The following GRIK3 variants were observed in gnomAD, a reference collection of about 807,000 sequenced individuals.
GRIK3 encodes glutamate receptor ionotropic, kainate 3.
A neutral mutation model predicts 102.5 loss-of-function variants in GRIK3; 29 were observed. The ratio of observed to expected loss-of-function variants is 0.28; its 90% CI spans 0.21 to 0.39. The LOEUF is 0.39. Among genes scored for constraint, GRIK3 ranks in the 10% least tolerant of loss-of-function variants. The pLI is 1.00. For missense variants in GRIK3, 908 were observed against 1,252.4 expected (o/e 0.73, Z 4.15); for synonymous variants, 511 against 504.9 (o/e 1.01, Z -0.16).
Position 36,805,251 on chromosome 1 carries a change from A to G in GRIK3, c.2315-14T>C. On this transcript the variant is annotated splice_polypyrimidine_tract_variant and intron_variant, in intron 14 of 15. Coordinates refer to ENST00000373091, the MANE Select transcript of GRIK3 (RefSeq NM_000831.4). Reference sequence around the variant, plus strand: ...GGTATGGGGAGCCTGAGCAGGGAGAAGGGACCCCTAGCCATCAGTGGCGTG... The same window carrying G: ...GGTATGGGGAGCCTGAGCAGGGAGAGGGGACCCCTAGCCATCAGTGGCGTG... 6.3e-7 allele frequency: 1 copy of G among 1,594,794 alleles called. No individual in the cohort carries two copies.
intron 3 of GRIK3, among the ~76,000 whole-genome samples, chr1:36,874,948 T>C (rs545392119): frequency 6.6e-6 from 1 of 152,364 alleles, no homozygotes; most frequent in South Asian, 2.1e-4. Context: ...TTTGTTTGCC[T>C]GAGATGAGCT....
Position 36,850,514 on chromosome 1 carries a change from C to A in GRIK3, c.1213-90G>T. 2.7e-6 allele frequency: 2 copies of A among 747,260 alleles called. No individual in the cohort carries two copies. The highest frequency in any genetic ancestry group is 2.4e-6 in the Non-Finnish European group (1 of 414,882). 46.3% of individuals were successfully genotyped at this position (747,260 alleles called of 1,614,324 possible). A position where few individuals can be genotyped will look rare whatever the true frequency, so the allele number is the denominator to read the frequency against. ...ACAAGACCTTCATCTCATTCCCATT[C>A]ATCATGAGCCTCATTGTCATGATCA... On this transcript the variant is annotated intron_variant, in intron 8 of 15. Coordinates refer to ENST00000373091, the MANE Select transcript of GRIK3 (RefSeq NM_000831.4). The surrounding 1 kb of genome is among the most constrained non-coding windows in gnomAD (Gnocchi z 4.0).
chr1:36,965,191 G>A (rs979608191), intron 1 of GRIK3, among the ~76,000 whole-genome samples: 1 of 152,154 alleles, frequency 6.6e-6, no homozygotes, highest in Non-Finnish European at 1.5e-5. Context: ...TGAACGAGTT[G>A]AATTATACGG....
chr1:37,026,619 G>T (rs1642766938), intron 1 of GRIK3, among the ~76,000 whole-genome samples: 1 of 152,174 alleles, frequency 6.6e-6, no homozygotes, highest in South Asian at 2.1e-4. Context: ...TACTGTAAGG[G>T]TCAACCACAA....
intron 1 of GRIK3, among the ~76,000 whole-genome samples, chr1:36,928,891 G>A (rs76358684): frequency 0.025 from 3,819 of 152,280 alleles, 161 homozygotes; most frequent in East Asian, 0.18. Context: ...GGGTACAGGT[G>A]TCAAGGAACA....
At chr1:36,820,409 T>C (rs1391899954) in intron 11 of GRIK3, among the ~76,000 whole-genome samples, 1 of 152,176 alleles carries the variant, frequency 6.6e-6, no homozygotes, top group Non-Finnish European at 1.5e-5. Context: ...AAGAACAATA[T>C]GACCACACTT....
At chr1:37,014,022 C>T (rs1642626336) in intron 1 of GRIK3, among the ~76,000 whole-genome samples, 1 of 152,224 alleles carries the variant, frequency 6.6e-6, no homozygotes, top group South Asian at 2.1e-4. Context: ...GCCTCATACG[C>T]TCTGTTCCCT....
chr1:36,815,005 GCA>G (rs1642609397), intron 13 of GRIK3, among the ~76,000 whole-genome samples: 1 of 152,204 alleles, frequency 6.6e-6, no homozygotes, highest in Non-Finnish European at 1.5e-5. Flanking sequence ...GCACATGTGT[GCA>G]CATACACACA....
intron 2 of GRIK3, among the ~76,000 whole-genome samples, chr1:36,888,993 T>A (rs1641073392): frequency 6.6e-6 from 1 of 152,036 alleles, no homozygotes; most frequent in African/African-American, 2.4e-5. Context: ...GTGCATCCGA[T>A]CAAACTACCA....
intron 1 of GRIK3, among the ~76,000 whole-genome samples, chr1:37,014,722 T>C (rs944634155): frequency 2.6e-5 from 4 of 152,220 alleles, no homozygotes; most frequent in Admixed American, 6.5e-5. Flanking sequence ...GTTATCCCAA[T>C]TGGGCTCCTA....
chr1:36,930,530 G>A (rs1441021328), intron 1 of GRIK3, among the ~76,000 whole-genome samples: 2 of 152,178 alleles, frequency 1.3e-5, no homozygotes, highest in Non-Finnish European at 2.9e-5. Context: ...GCATCACCAT[G>A]CCTTAGTTCT....
At chr1:36,849,687 T>C (rs1221596935) in intron 9 of GRIK3, 1 of 152,576 alleles carries the variant, frequency 6.6e-6, no homozygotes, top group East Asian at 1.9e-4. Flanking sequence ...GCAGCCTGGG[T>C]CTGTCCTCCT....
intron 3 of GRIK3, among the ~76,000 whole-genome samples, chr1:36,875,173 G>A (rs564593787): frequency 6.6e-6 from 1 of 152,234 alleles, no homozygotes; most frequent in Non-Finnish European, 1.5e-5. Flanking sequence ...CACCACAGAG[G>A]TTAAGTGATT....
chr1:36,882,130 T>G (rs902037516), intron 2 of GRIK3, among the ~76,000 whole-genome samples: 1 of 152,120 alleles, frequency 6.6e-6, no homozygotes, highest in African/African-American at 2.4e-5. Context: ...CTGGAAGTCT[T>G]GTCCATTGGT....
chr1:36,987,291 G>T (rs543771505), intron 1 of GRIK3, among the ~76,000 whole-genome samples: 63 of 152,202 alleles, frequency 4.1e-4, no homozygotes, highest in Non-Finnish European at 8.1e-4. Context: ...TCCCCTGGCA[G>T]CACTGAGGTT....
chr1:36,932,502 A>C (rs1641607091), intron 1 of GRIK3, among the ~76,000 whole-genome samples: 1 of 152,206 alleles, frequency 6.6e-6, no homozygotes, highest in African/African-American at 2.4e-5. Flanking sequence ...GAAGTTCTGC[A>C]TCCTTCCCCT....
rs1465283804 is a variant in GRIK3 at position 36,802,015 on chromosome 1, T to A, written c.2596A>T (p.Ile866Phe). 2 of 1,613,312 alleles carry A rather than the reference T, an allele frequency of 1.2e-6. No homozygotes were observed. Among genetic ancestry groups the A allele is most frequent in the South Asian group, 2.2e-5 (2 of 90,970 alleles). The change falls in exon 16 of 16, where the codon ATC (isoleucine) becomes TTC (phenylalanine). Residue 866 changes from isoleucine (I) to phenylalanine (F), a missense_variant. This residue lies in a region of GRIK3 where 297 missense variants were observed against 362.7 expected (regional missense o/e 0.82). Coordinates refer to ENST00000373091, the MANE Select transcript of GRIK3 (RefSeq NM_000831.4). Reference protein sequence around the residue: ...RSFCSTVADEIRFSLTCQRRV... With the variant: ...RSFCSTVADEFRFSLTCQRRV... Reference sequence around the variant, plus strand: ...CGCTGGCAGGTAAGGGAGAAACGGATCTCATCGGCCACGGTGCTGCAGAAG... The same window carrying A: ...CGCTGGCAGGTAAGGGAGAAACGGAACTCATCGGCCACGGTGCTGCAGAAG...
At chr1:36,992,631 C>T (rs939002164) in intron 1 of GRIK3, among the ~76,000 whole-genome samples, 1 of 152,084 alleles carries the variant, frequency 6.6e-6, no homozygotes, top group Non-Finnish European at 1.5e-5. Context: ...TGGATGTAAA[C>T]AGTGAGGGGA....
intron 1 of GRIK3, among the ~76,000 whole-genome samples, chr1:36,986,800 G>A (rs992773158): frequency 2.6e-5 from 4 of 152,168 alleles, no homozygotes; most frequent in South Asian, 2.1e-4. Flanking sequence ...AGAGTTGTGG[G>A]GGAGAACACA....
Sources: gnomAD v4.1 joint callset for allele counts (sites outside exome capture counted in the v4.1 genomes callset) on GRCh38, gnomAD v4.1.1 for gene constraint, gnomAD v4.1.1 regional missense constraint, Gnocchi (gnomAD v3.1) non-coding constraint, MANE v1.5 for transcripts, NCBI Gene and HGNC (gene_info 2026-07-23, HGNC 2026-07-21) for gene names.